Variants in THSD4 observed in about 807,000 individuals in gnomAD.
THSD4 encodes the protein thrombospondin type-1 domain-containing protein 4.
A neutral mutation model predicts 119.0 loss-of-function variants in THSD4; 69 were observed. The observed-to-expected ratio is 0.58, with a 90% CI of 0.48 to 0.71. THSD4 has a LOEUF of 0.71. THSD4 is among the 30% of genes least tolerant of loss of function. THSD4 has a pLI of 0.00. For synonymous variants in THSD4, 524 were observed against 540.4 expected (o/e 0.97, Z 0.42); for missense variants, 1,393 against 1,391.1 (o/e 1.00, Z -0.02).
At chr15:71,507,571 G>C (rs533914535) in intron 7 of THSD4, among the ~76,000 whole-genome samples, 1 of 152,174 alleles carries the variant, frequency 6.6e-6, no homozygotes, top group African/African-American at 2.4e-5. Context: ...AAGTTTGAAA[G>C]GTGGGGGCTG....
intron 7 of THSD4, among the ~76,000 whole-genome samples, chr15:71,602,565 AAAAAAAAAAAAAAAAT>A (rs1324277547): frequency 6.7e-5 from 10 of 148,384 alleles, no homozygotes; most frequent in African/African-American, 2.2e-4. Flanking sequence ...AAAAAAAAAA[AAAAAAAAAAAAAAAAT>A]GAAAAAGAAA....
At chr15:71,251,818 C>G (rs1212875821) in intron 5 of THSD4, among the ~76,000 whole-genome samples, 1 of 152,098 alleles carries the variant, frequency 6.6e-6, no homozygotes, top group Admixed American at 6.5e-5. Flanking sequence ...GTTGTCATTT[C>G]AGATTAACCA....
intron 3 of THSD4, among the ~76,000 whole-genome samples, chr15:71,190,351 A>T (rs982360745): frequency 6.6e-6 from 1 of 152,224 alleles, no homozygotes; most frequent in Non-Finnish European, 1.5e-5. Flanking sequence ...CATTGGCTGC[A>T]CATTAGAATC....
intron 6 of THSD4, among the ~76,000 whole-genome samples, chr15:71,319,438 C>T (rs1171830229): frequency 7.0e-6 from 1 of 142,672 alleles, no homozygotes; most frequent in Non-Finnish European, 1.5e-5. Context: ...GTGATGTTCC[C>T]TGCCCTGTGT....
chr15:71,446,279 A>G (rs2047180065), intron 7 of THSD4, among the ~76,000 whole-genome samples: 1 of 152,054 alleles, frequency 6.6e-6, no homozygotes, highest in Non-Finnish European at 1.5e-5. Context: ...GTAGATAAGT[A>G]TAGCAACCAC....
intron 7 of THSD4, among the ~76,000 whole-genome samples, chr15:71,563,589 T>C (rs542402068): frequency 2.1e-4 from 31 of 150,516 alleles, no homozygotes; most frequent in African/African-American, 6.8e-4. Context: ...CCTTTTATTA[T>C]TGATAAAGAC....
intron 6 of THSD4, among the ~76,000 whole-genome samples, chr15:71,393,392 TCC>T (rs2046402676): frequency 2.0e-5 from 3 of 152,012 alleles, no homozygotes; most frequent in Non-Finnish European, 4.4e-5. Flanking sequence ...ATGATCACTT[TCC>T]ATACTTGCCA....
chr15:71,290,874 CCTTTTTTTTT>C (rs1002989190), intron 6 of THSD4, among the ~76,000 whole-genome samples: 2 of 90,834 alleles, frequency 2.2e-5, no homozygotes, highest in African/African-American at 8.0e-5. Flanking sequence ...TTCCTTTTTT[CCTTTTTTTTT>C]TTTTTTTTGT....
intron 7 of THSD4, among the ~76,000 whole-genome samples, chr15:71,532,000 G>GT (rs1465582061): frequency 1.3e-5 from 2 of 152,216 alleles, no homozygotes; most frequent in South Asian, 4.1e-4. Context: ...AGTTTTTCCA[G>GT]TTTTTTCCCG....
intron 3 of THSD4, among the ~76,000 whole-genome samples, chr15:71,211,095 A>C (rs985305486): frequency 2.0e-5 from 3 of 152,236 alleles, no homozygotes; most frequent in African/African-American, 4.8e-5. Flanking sequence ...TTTAGATTCT[A>C]ATCAGCAGTG....
At chr15:71,481,599 C>T (rs2047730545) in intron 7 of THSD4, among the ~76,000 whole-genome samples, 1 of 152,166 alleles carries the variant, frequency 6.6e-6, no homozygotes, top group Admixed American at 6.5e-5. Flanking sequence ...TCCTTTTAGC[C>T]AGTCCTTCCT....
intron 6 of THSD4, among the ~76,000 whole-genome samples, chr15:71,400,770 T>C (rs1455123529): frequency 6.6e-6 from 1 of 152,078 alleles, no homozygotes; most frequent in Non-Finnish European, 1.5e-5. Flanking sequence ...ACCTCCAAGT[T>C]TTATGAGCTG....
chr15:71,272,490 G>A (rs902684729), intron 6 of THSD4, among the ~76,000 whole-genome samples: 1 of 151,104 alleles, frequency 6.6e-6, no homozygotes, highest in Non-Finnish European at 1.5e-5. Context: ...CATAAAATAG[G>A]CCAACAGGTA....
chr15:71,162,703 G>A (rs752675234), intron 3 of THSD4, among the ~76,000 whole-genome samples: 14 of 152,122 alleles, frequency 9.2e-5, no homozygotes, highest in Non-Finnish European at 1.9e-4. Flanking sequence ...TGTTGTTGTC[G>A]TTAAATAGAT....
chr15:71,687,687 G>A (rs1189251421), intron 8 of THSD4, among the ~76,000 whole-genome samples: 4 of 151,426 alleles, frequency 2.6e-5, no homozygotes, highest in African/African-American at 4.9e-5. Context: ...CCCGGGAGAC[G>A]GAGGCTGCAG....
chr15:71,746,849 G>C lies in THSD4; in HGVS notation c.2048G>C (p.Gly683Ala). ...IFPCPAFWDIGEWSECSKTCG... is the reference protein window; with the variant it reads ...IFPCPAFWDIAEWSECSKTCG... ...CATTCCTGAACCAGCTGGGACATCGGGGAGTGGTCTGAGTGCAGCAAGACC... is the reference window on the plus strand; with the variant it reads ...CATTCCTGAACCAGCTGGGACATCGCGGAGTGGTCTGAGTGCAGCAAGACC... The change falls in exon 13 of 18, where the codon GGG becomes GCG. Residue 683 changes from glycine to alanine, a missense_variant. By Grantham distance (60) the Gly-to-Ala change is moderately conservative (BLOSUM62 0). Transcript: ENST00000261862. 6.2e-7 allele frequency: 1 copy of C among 1,613,882 alleles called. No individual in the cohort carries two copies. Among genetic ancestry groups the C allele is most frequent in the Non-Finnish European group, 8.5e-7 (1 of 1,179,996 alleles).
At chr15:71,550,145 G>A (rs2048904070) in intron 7 of THSD4, among the ~76,000 whole-genome samples, 1 of 152,212 alleles carries the variant, frequency 6.6e-6, no homozygotes, top group Non-Finnish European at 1.5e-5. Context: ...GCGTATCCCC[G>A]AAAAGACTGT....
chr15:71,369,963 G>A (rs918899689), intron 6 of THSD4, among the ~76,000 whole-genome samples: 2 of 152,094 alleles, frequency 1.3e-5, no homozygotes, highest in Non-Finnish European at 2.9e-5. Context: ...TTCAGAGCTT[G>A]TTATTGGTCT....
intron 6 of THSD4, among the ~76,000 whole-genome samples, chr15:71,272,371 C>T (rs115462642): frequency 0.019 from 2,397 of 123,862 alleles, 88 homozygotes; most frequent in African/African-American, 0.073. Flanking sequence ...GCACTCCAGC[C>T]AGGGGACAAA....
Sources: allele counts gnomAD v4.1 joint callset (sites outside exome capture counted in the v4.1 genomes callset), GRCh38; gene constraint gnomAD v4.1.1; transcripts MANE v1.5; gene names NCBI Gene and HGNC (gene_info 2026-07-23, HGNC 2026-07-21).